Variants in PDGFC observed in about 807,000 individuals in gnomAD.
PDGFC encodes the protein platelet derived growth factor C.
In PDGFC, 12 loss-of-function variants were observed where a neutral mutation model predicts 35.5. The ratio of observed to expected loss-of-function variants is 0.34; its 90% CI spans 0.22 to 0.55. The LOEUF is 0.55. Among genes scored for constraint, PDGFC ranks in the 20% least tolerant of loss-of-function variants. The pLI is 0.91. For missense variants in PDGFC, 322 were observed against 412.4 expected (o/e 0.78, Z 1.90); for synonymous variants, 159 against 148.8 (o/e 1.07, Z -0.50).
chr4:156,883,213 T>C (rs1486014494), intron 1 of PDGFC, among the ~76,000 whole-genome samples: 1 of 152,226 alleles, frequency 6.6e-6, no homozygotes, highest in Admixed American at 6.5e-5. Context: ...AGTGCTTTTC[T>C]ATAGTGTTAT....
chr4:156,952,361 G>A (rs548484818), intron 1 of PDGFC, among the ~76,000 whole-genome samples: 25 of 151,846 alleles, frequency 1.6e-4, no homozygotes, highest in Middle Eastern at 3.4e-3. Context: ...TTATTAAACC[G>A]CTGGGGTAAA....
At chr4:156,793,315 A>G (rs969918209) in intron 3 of PDGFC, among the ~76,000 whole-genome samples, 21 of 151,808 alleles carry the variant, frequency 1.4e-4, no homozygotes, top group Admixed American at 2.6e-4. Flanking sequence ...TTATTATACA[A>G]TCTTTTCCCA....
intron 1 of PDGFC, among the ~76,000 whole-genome samples, chr4:156,965,623 G>C (rs1284757767): frequency 6.6e-6 from 1 of 151,986 alleles, no homozygotes; most frequent in African/African-American, 2.4e-5. Flanking sequence ...AGAGAGGCAG[G>C]GGCAAATGAC....
intron 2 of PDGFC, among the ~76,000 whole-genome samples, chr4:156,845,522 T>C (rs1455140665): frequency 3.3e-5 from 5 of 151,826 alleles, no homozygotes; most frequent in African/African-American, 4.8e-5. Context: ...GCACCTTTTA[T>C]TGCCTTTGAA....
intron 1 of PDGFC, among the ~76,000 whole-genome samples, chr4:156,924,178 T>C (rs1328860737): frequency 1.3e-5 from 2 of 152,334 alleles, no homozygotes; most frequent in East Asian, 1.9e-4. Flanking sequence ...AAGCGCTCCA[T>C]ATAAAAGTTA....
intron 1 of PDGFC, among the ~76,000 whole-genome samples, chr4:156,853,894 T>C (rs2042638): frequency 0.12 from 17,715 of 152,028 alleles, 1,265 homozygotes; most frequent in South Asian, 0.42. Flanking sequence ...GCCCAGGAGG[T>C]TGAGGCTGCA....
chr4:156,840,848 C>A (rs750309501), intron 2 of PDGFC, among the ~76,000 whole-genome samples: 2 of 152,164 alleles, frequency 1.3e-5, no homozygotes, highest in Non-Finnish European at 2.9e-5. Context: ...ATTTGACTGC[C>A]CCACGGGATT....
At chr4:156,876,623 T>A (rs1730122552) in intron 1 of PDGFC, 1 of 152,212 alleles carries the variant, frequency 6.6e-6, no homozygotes, top group South Asian at 2.1e-4. Context: ...TTGTGTACAC[T>A]GTTAAAGGTC....
At chr4:156,933,790 T>A (rs1731610030) in intron 1 of PDGFC, among the ~76,000 whole-genome samples, 1 of 152,130 alleles carries the variant, frequency 6.6e-6, no homozygotes, top group Non-Finnish European at 1.5e-5. Context: ...ACCTGATGGT[T>A]TAAAAGTGTA....
In PDGFC at chr4:156,914,890, T is replaced by C. The variant is rs183427006; in HGVS notation, c.118+55896A>G. ...ATACTATGACAGACTGGCTTTACAA[T>C]ACCCAGGATTGGATAAAATTGACTA... On this transcript the variant is annotated intron_variant, in intron 1 of 5. Coordinates refer to ENST00000502773, the MANE Select transcript of PDGFC (RefSeq NM_016205.3). Among the ~76,000 whole-genome samples the C allele has an allele frequency of 1.1e-4, 17 of 152,290 alleles. No homozygotes were observed. In the East Asian group the frequency reaches 3.3e-3, roughly 29 times the overall value.
intron 5 of PDGFC, among the ~76,000 whole-genome samples, chr4:156,764,457 G>C (rs899305373): frequency 6.6e-6 from 1 of 152,162 alleles, no homozygotes; most frequent in African/African-American, 2.4e-5. Context: ...CTTAGACAGA[G>C]TAAGTGACAC....
rs893391396 is a variant in PDGFC, at chr4:156,943,607, C to CA, written c.118+27178_118+27179insT. ...TTTTATTGGCCTCCCTGCATCAAACCTTTTTTTTTCACTCGACCCAATTTG... is the reference window on the plus strand; with the variant it reads ...TTTTATTGGCCTCCCTGCATCAAACCATTTTTTTTTCACTCGACCCAATTTG... On this transcript the variant is annotated intron_variant, in intron 1 of 5. Coordinates refer to ENST00000502773, the MANE Select transcript of PDGFC (RefSeq NM_016205.3). Among the ~76,000 whole-genome samples, 3 of 150,916 alleles carry CA rather than the reference C, an allele frequency of 2.0e-5. No individual in the cohort carries two copies. In the East Asian group the frequency reaches 5.8e-4, roughly 29 times the overall value.
chr4:156,820,372 T>C lies in PDGFC; in HGVS notation c.315-9355A>G, dbSNP rs1447390413. 3.3e-5 allele frequency among the ~76,000 whole-genome samples: 5 copies of C among 152,224 alleles called. No homozygotes were observed. In the East Asian group the frequency reaches 9.6e-4, roughly 29 times the overall value. ...CATGTCAAAGTTCATTGTTGTCTTATTTTAATAAACTGCCACAGCCACTCA... is the reference window on the plus strand; with the variant it reads ...CATGTCAAAGTTCATTGTTGTCTTACTTTAATAAACTGCCACAGCCACTCA... On this transcript the variant is annotated intron_variant, in intron 2 of 5. Transcript: ENST00000502773.
At chr4:156,954,310 A>G (rs1158400187) in intron 1 of PDGFC, among the ~76,000 whole-genome samples, 6 of 151,766 alleles carry the variant, frequency 4.0e-5, no homozygotes, top group Admixed American at 1.3e-4. Context: ...TTTCCAAGGG[A>G]AAAAAAACTA....
intron 1 of PDGFC, among the ~76,000 whole-genome samples, chr4:156,887,805 A>G: frequency 6.6e-6 from 1 of 151,834 alleles, no homozygotes; most frequent in East Asian, 1.9e-4. Context: ...CTTGAGCTCA[A>G]GAGTGCAACA....
chr4:156,778,865 T>C (rs1730898114), intron 3 of PDGFC, among the ~76,000 whole-genome samples: 2 of 152,222 alleles, frequency 1.3e-5, no homozygotes, highest in South Asian at 4.1e-4. Context: ...CTGCATATAG[T>C]ACACTTCAAA....
intron 1 of PDGFC, among the ~76,000 whole-genome samples, chr4:156,964,927 T>C (rs1337568051): frequency 2.0e-5 from 3 of 152,210 alleles, no homozygotes; most frequent in Non-Finnish European, 4.4e-5. Context: ...TGGAGGCTTG[T>C]CATCTATGCA....
intron 2 of PDGFC, among the ~76,000 whole-genome samples, chr4:156,815,017 C>G (rs1317444619): frequency 1.3e-5 from 2 of 152,098 alleles, no homozygotes; most frequent in Non-Finnish European, 2.9e-5. Flanking sequence ...CTTACATGCT[C>G]ATGCAAGTCT....
At chr4:156,872,956 C>A (rs562356743) in intron 1 of PDGFC, among the ~76,000 whole-genome samples, 2 of 152,162 alleles carry the variant, frequency 1.3e-5, no homozygotes, top group African/African-American at 2.4e-5. Context: ...ACAGTGAGAC[C>A]TGATTTCTAC....
Sources: allele counts gnomAD v4.1 joint callset (sites outside exome capture counted in the v4.1 genomes callset), GRCh38; gene constraint gnomAD v4.1.1; transcripts MANE v1.5; gene names NCBI Gene and HGNC (gene_info 2026-07-23, HGNC 2026-07-21).